TBC1D4: variants seen among roughly 807,000 people sequenced by gnomAD.
The protein encoded by TBC1D4 is TBC1 domain family member 4.
A neutral mutation model predicts 142.5 loss-of-function variants in TBC1D4; 121 were observed. The ratio of observed to expected loss-of-function variants is 0.85; its 90% confidence interval spans 0.73 to 0.99. The LOEUF is 0.99. Among genes scored for constraint, TBC1D4 ranks in the 50% least tolerant of loss-of-function variants. The pLI is 0.00. For synonymous variants in TBC1D4, 630 were observed against 628.2 expected (o/e 1.00, Z -0.04); for missense variants, 1,475 against 1,606.6 (o/e 0.92, Z 1.40).
rs752940264 is a variant in TBC1D4 at position 75,321,427 on chromosome 13, C to T, written c.2199-1390G>A. On this transcript the variant is annotated intron_variant, in intron 11 of 20. Coordinates refer to ENST00000377636, the MANE Select transcript of TBC1D4 (RefSeq NM_014832.5). ...AATGGCTTAGAATGAGGAAATATAG[C>T]GGTGCATATATATGTATATATATAT... Among the ~76,000 whole-genome samples, 64 of 134,734 alleles carry T rather than the reference C, an allele frequency of 4.8e-4. 1 individual carries two copies. Among genetic ancestry groups the T allele is most frequent in the Admixed American group, 1.2e-3 (17 of 14,022 alleles). 88.4% of individuals were successfully genotyped at this position (134,734 alleles called of 152,430 possible).
chr13:75,479,260 T>A (rs1372121418), intron 1 of TBC1D4, among the ~76,000 whole-genome samples: 1 of 152,166 alleles, frequency 6.6e-6, no homozygotes, highest in Non-Finnish European at 1.5e-5. Context: ...ATCTCTTGGT[T>A]AAGAGCAAAT....
chr13:75,460,029 G>C (rs976855947), intron 1 of TBC1D4, among the ~76,000 whole-genome samples: 4 of 152,098 alleles, frequency 2.6e-5, no homozygotes, highest in Non-Finnish European at 5.9e-5. Context: ...TGTAGTCCCA[G>C]CTACTTGGGA....
rs1476659127 is a variant in TBC1D4 at position 75,375,627 on chromosome 13, G to A, written c.499-13020C>T. On this transcript the variant is annotated intron_variant, in intron 1 of 20. Coordinates refer to ENST00000377636, the MANE Select transcript of TBC1D4 (RefSeq NM_014832.5). ...TTGTCATTAAATATCAAAGGTGCAG[G>A]TGCCTTCTATCTTGTTTCTCTGTCT... 2.0e-5 allele frequency: 3 copies of A among 152,008 alleles called. No individual in the cohort carries two copies. In the East Asian group the frequency reaches 5.8e-4, roughly 29 times the overall value. 9.4% of individuals were successfully genotyped at this position (152,008 alleles called of 1,614,324 possible). A position where few individuals can be genotyped will look rare whatever the true frequency, so the allele number is the denominator to read the frequency against.
At chr13:75,436,304 T>G (rs1302023216) in intron 1 of TBC1D4, among the ~76,000 whole-genome samples, 4 of 152,094 alleles carry the variant, frequency 2.6e-5, no homozygotes, top group Non-Finnish European at 5.9e-5. Context: ...CATAGCAGTA[T>G]GAAAATGGAC....
Position 75,287,638 on chromosome 13 carries a change from AT to A in TBC1D4, c.3664-614del, listed in dbSNP as rs796631379. On this transcript the variant is annotated intron_variant, in intron 20 of 20. Transcript: ENST00000377636. ...TAACCATTTAGTTTTCTTTTTGAAA[AT>A]AGAGTATGTTGCCCTTTTTTGAATA... is the stretch of plus-strand genomic sequence containing the variant. Among the ~76,000 whole-genome samples the A allele has an allele frequency of 1.1e-4, 16 of 139,880 alleles. No homozygotes were observed. The South Asian group carries it at 3.3e-3, about 29-fold the overall frequency. 91.8% of individuals were successfully genotyped at this position (139,880 alleles called of 152,430 possible). A position where few individuals can be genotyped will look rare whatever the true frequency, so the allele number is the denominator to read the frequency against.
intron 1 of TBC1D4, among the ~76,000 whole-genome samples, chr13:75,383,477 G>A (rs2138265781): frequency 6.6e-6 from 1 of 152,140 alleles, no homozygotes; most frequent in South Asian, 2.1e-4. Flanking sequence ...TATCCTCATT[G>A]CACTTAATAC....
chr13:75,417,595 C>A (rs1255239277), intron 1 of TBC1D4, among the ~76,000 whole-genome samples: 1 of 152,090 alleles, frequency 6.6e-6, no homozygotes, highest in Non-Finnish European at 1.5e-5. Flanking sequence ...TCATGGAGAA[C>A]AGGGGCACAT....
intron 14 of TBC1D4, among the ~76,000 whole-genome samples, chr13:75,309,662 T>C (rs1877540077): frequency 1.3e-5 from 2 of 152,244 alleles, no homozygotes; most frequent in Non-Finnish European, 1.5e-5. Context: ...ATCTACATTC[T>C]ATTTTACCTA....
intron 20 of TBC1D4, 54 bp from the exon 21 acceptor site, chr13:75,287,079 C>G: frequency 7.0e-7 from 1 of 1,435,246 alleles, no homozygotes; most frequent in Non-Finnish European, 9.8e-7. Context: ...TAGTAGGAGA[C>G]AGTCCTTACA....
At chr13:75,302,843 C>CA (rs1365720017) in intron 15 of TBC1D4, 1 of 214,620 alleles carries the variant, frequency 4.7e-6, no homozygotes, top group Admixed American at 5.3e-5. Context: ...ATTAGAACTC[C>CA]AAAAGTCTGG....
chr13:75,427,652 G>A (rs1348128599), intron 1 of TBC1D4, among the ~76,000 whole-genome samples: 2 of 152,140 alleles, frequency 1.3e-5, no homozygotes, highest in African/African-American at 2.4e-5. Context: ...GACCTCCCTC[G>A]GCACTTGCCC....
At chr13:75,302,435 A>G (rs1342829461) in intron 15 of TBC1D4, 34 bp from the exon 16 acceptor site, 2 of 1,613,566 alleles carry the variant, frequency 1.2e-6, no homozygotes, top group Non-Finnish European at 1.7e-6. Flanking sequence ...CAAGGCCTTG[A>G]ACTCTGGAAT....
At chr13:75,345,448 G>A (rs1357235345) in intron 5 of TBC1D4, among the ~76,000 whole-genome samples, 2 of 152,134 alleles carry the variant, frequency 1.3e-5, no homozygotes, top group Non-Finnish European at 2.9e-5. Context: ...AACCCTGAGT[G>A]ACTCACAAGT....
intron 3 of TBC1D4, among the ~76,000 whole-genome samples, chr13:75,357,122 CATT>C (rs1882116976): frequency 6.6e-6 from 1 of 152,134 alleles, no homozygotes; most frequent in Non-Finnish European, 1.5e-5. Flanking sequence ...ATCCATTTCT[CATT>C]ATAAAACAGT....
chr13:75,335,353 C>T (rs1444460929), intron 8 of TBC1D4, among the ~76,000 whole-genome samples: 4 of 152,186 alleles, frequency 2.6e-5, no homozygotes, highest in South Asian at 2.1e-4. Flanking sequence ...CACCTAATAG[C>T]TCTAAGGCAG....
chr13:75,300,753 T>C (rs969846081), intron 16 of TBC1D4, among the ~76,000 whole-genome samples: 3 of 152,230 alleles, frequency 2.0e-5, no homozygotes, highest in African/African-American at 7.2e-5. Context: ...ATGATCTCAT[T>C]TTCTCTCTTT....
chr13:75,451,459 TA>T (rs1887526202), intron 1 of TBC1D4, among the ~76,000 whole-genome samples: 1 of 149,810 alleles, frequency 6.7e-6, no homozygotes, highest in Non-Finnish European at 1.5e-5. Context: ...TTTTGTTAAA[TA>T]TATAACATAT....
At chr13:75,402,654 AAC>A (rs56176942) in intron 1 of TBC1D4, among the ~76,000 whole-genome samples, 19,179 of 142,240 alleles carry the variant, frequency 0.13, 1,324 homozygotes, top group East Asian at 0.26. Flanking sequence ...ATCCCTAGTA[AAC>A]ACACACACAC....
At chr13:75,287,775 A>AG (rs1874849533) in intron 20 of TBC1D4, among the ~76,000 whole-genome samples, 1 of 152,154 alleles carries the variant, frequency 6.6e-6, no homozygotes, top group Admixed American at 6.5e-5. Context: ...CTCATTTCTA[A>AG]CCTGTCTCTC....
Sources: gnomAD v4.1 joint callset for allele counts (sites outside exome capture counted in the v4.1 genomes callset) on GRCh38, gnomAD v4.1.1 for gene constraint, MANE v1.5 for transcripts, NCBI Gene and HGNC (gene_info 2026-07-23, HGNC 2026-07-21) for gene names.